Variants in SNCAIP observed in about 807,000 individuals in gnomAD.
The protein encoded by SNCAIP is synuclein alpha interacting protein, also known as synphilin-1.
Under a neutral mutation model 86.7 loss-of-function variants are expected in SNCAIP, and 43 were observed. The ratio of observed to expected loss-of-function variants is 0.50; its 90% CI spans 0.39 to 0.64. The LOEUF (loss-of-function observed/expected upper bound fraction) is 0.64. Ranked by LOEUF, SNCAIP falls within the 30% of genes least tolerant of loss-of-function variation. The pLI is 0.00. For missense variants in SNCAIP, 981 were observed against 1,103.1 expected (o/e 0.89, Z 1.57); for synonymous variants, 417 against 427.2 (o/e 0.98, Z 0.29).
intron 1 of SNCAIP, among the ~76,000 whole-genome samples, chr5:122,377,221 A>G (rs1390637019): frequency 6.6e-6 from 1 of 152,140 alleles, no homozygotes; most frequent in East Asian, 1.9e-4. Flanking sequence ...TTTCTCAACC[A>G]CTGGTTTTCT....
At chr5:122,417,468 T>C (rs527843688) in intron 3 of SNCAIP, among the ~76,000 whole-genome samples, 3 of 152,302 alleles carry the variant, frequency 2.0e-5, no homozygotes, top group South Asian at 4.1e-4. Context: ...TTGTAGGAAA[T>C]AGATGAAAGT....
chr5:122,329,768 A>C (rs1342959075), intron 1 of SNCAIP, among the ~76,000 whole-genome samples: 1 of 152,222 alleles, frequency 6.6e-6, no homozygotes, highest in Admixed American at 6.5e-5. Context: ...GGTACATACA[A>C]ATTATTAAGT....
chr5:122,338,604 G>C (rs1002907661), intron 1 of SNCAIP, among the ~76,000 whole-genome samples: 1 of 152,150 alleles, frequency 6.6e-6, no homozygotes, highest in African/African-American at 2.4e-5. Flanking sequence ...TATAAAGGTT[G>C]TGAATGAAAT....
chr5:122,391,158 T>C lies in SNCAIP; in HGVS notation c.24T>C (p.Asp8=), dbSNP rs1580933258. ...TAATGGAAGCCCCTGAATACCTTGA[T>C]TTGGATGAAATTGACTTTAGTGATG... The part of the protein sequence containing the change: MEAPEYL[D]LDEIDFSDDI... Residue 8 remains aspartate (D), a synonymous_variant, in exon 2 of 11, where the codon GAT becomes GAC. Transcript: ENST00000261368. 1 of 1,611,620 alleles carries C rather than the reference T, an allele frequency of 6.2e-7. No homozygotes were observed. The highest frequency in any genetic ancestry group is 1.7e-5 in the Admixed American group (1 of 60,024).
intron 2 of SNCAIP, chr5:122,401,188 G>T (rs529742390): frequency 2.1e-6 from 3 of 1,458,788 alleles, no homozygotes; most frequent in African/African-American, 1.4e-5. Context: ...TGGGATGAAG[G>T]CCTGGGAAGC....
At chr5:122,434,913 T>C (rs1412271672) in intron 6 of SNCAIP, among the ~76,000 whole-genome samples, 1 of 152,166 alleles carries the variant, frequency 6.6e-6, no homozygotes, top group African/African-American at 2.4e-5. Context: ...TAAATGCCCC[T>C]GGAAAGGATA....
intron 10 of SNCAIP, 57 bp from the exon 11 acceptor site, chr5:122,463,429 ATTGTC>A (rs1786961966): frequency 1.0e-6 from 1 of 955,064 alleles, no homozygotes. Context: ...GTTTAGTGGT[ATTGTC>A]TTGTAACTTG....
chr5:122,421,936 A>G (rs1776438988), intron 3 of SNCAIP, among the ~76,000 whole-genome samples: 1 of 147,342 alleles, frequency 6.8e-6, no homozygotes, highest in African/African-American at 2.5e-5. Flanking sequence ...TTCACTTTCT[A>G]CTCTATCGCA....
Position 122,450,926 on chromosome 5 carries a change from G to A in SNCAIP, c.2079G>A (p.Val693=), listed in dbSNP as rs1176654451. 1.9e-6 allele frequency: 3 copies of A among 1,614,140 alleles called. No individual in the cohort carries two copies. The South Asian group carries it at 3.3e-5, about 18-fold the overall frequency. The part of the protein sequence containing the change: ...NNSEDPKTTP[V]RKADRPRPQP... ...CTGAGGACCCCAAGACTACCCCAGT[G>A]AGGAAGGCTGACCGACCAAGGCCGC... is the stretch of plus-strand genomic sequence containing the variant. The change falls in exon 10 of 11, where the codon GTG becomes GTA. Residue 693 remains valine (V), a synonymous_variant. Coordinates refer to ENST00000261368, the MANE Select transcript of SNCAIP (RefSeq NM_005460.4).
chr5:122,382,276 C>T (rs982163000), intron 1 of SNCAIP, among the ~76,000 whole-genome samples: 8 of 152,144 alleles, frequency 5.3e-5, no homozygotes, highest in African/African-American at 1.9e-4. Flanking sequence ...TCCCTTCTCA[C>T]TTCATTTCAT....
rs1221236719 is a variant in SNCAIP, at chr5:122,358,203, G to GTGTGTA, written c.-46-32885_-46-32884insGTGTAT. On this transcript the variant is annotated intron_variant, in intron 1 of 10. Transcript: ENST00000261368. ...TGTGTGTGTGTGTGTGTGTGTGTGT[G>GTGTGTA]TATATATATATATATAAAATACTTT... 1.0e-3 allele frequency among the ~76,000 whole-genome samples: 134 copies of GTGTGTA among 130,372 alleles called. 1 individual carries two copies. The highest frequency in any genetic ancestry group is 6.1e-3 in the East Asian group (25 of 4,080). 85.5% of individuals were successfully genotyped at this position (130,372 alleles called of 152,430 possible).
intron 6 of SNCAIP, among the ~76,000 whole-genome samples, chr5:122,432,718 A>G (rs577396766): frequency 2.0e-5 from 3 of 152,152 alleles, no homozygotes; most frequent in Non-Finnish European, 2.9e-5. Context: ...AGGAAATCCC[A>G]ACATTAATTA....
intron 1 of SNCAIP, among the ~76,000 whole-genome samples, chr5:122,386,526 G>A (rs1468853817): frequency 6.6e-6 from 1 of 152,206 alleles, no homozygotes; most frequent in Admixed American, 6.5e-5. Context: ...TACAAACATT[G>A]AGTGTAGTTG....
At chr5:122,425,256 A>T (rs955029905) in intron 4 of SNCAIP, 96 bp from the exon 5 acceptor site, 1 of 923,184 alleles carries the variant, frequency 1.1e-6, no homozygotes, top group Non-Finnish European at 1.8e-6. Flanking sequence ...GAGCTTCTAT[A>T]AGCTCATTTC....
rs138896764 is a variant in SNCAIP at position 122,421,312 on chromosome 5, G to A, written c.131-1556G>A. 1.2e-3 allele frequency among the ~76,000 whole-genome samples: 189 copies of A among 152,342 alleles called. 1 individual carries two copies. Among genetic ancestry groups the A allele is most frequent in the Non-Finnish European group, 2.4e-3 (164 of 68,034 alleles). ...TCATGCAAAACTGTGGTCAATTTCA[G>A]GGAAAGAACTCACTGATAGTTATAT... On this transcript the variant is annotated intron_variant, in intron 3 of 10. Coordinates refer to ENST00000261368, the MANE Select transcript of SNCAIP (RefSeq NM_005460.4).
At chr5:122,378,969 G>C (rs1156977625) in intron 1 of SNCAIP, among the ~76,000 whole-genome samples, 1 of 136,302 alleles carries the variant, frequency 7.3e-6, no homozygotes, top group Non-Finnish European at 1.6e-5. Context: ...AAGTCAGGTA[G>C]TGTGATGCCT....
chr5:122,406,858 A>G (rs1158578578), intron 3 of SNCAIP, among the ~76,000 whole-genome samples: 1 of 152,176 alleles, frequency 6.6e-6, no homozygotes, highest in Non-Finnish European at 1.5e-5. Context: ...GTGCAAGAAT[A>G]GACTAATATG....
chr5:122,333,769 G>A (rs1057338304), intron 1 of SNCAIP, among the ~76,000 whole-genome samples: 3 of 152,242 alleles, frequency 2.0e-5, no homozygotes, highest in Non-Finnish European at 2.9e-5. Flanking sequence ...GCACCAGGCT[G>A]TGAACAGCAG....
intron 1 of SNCAIP, among the ~76,000 whole-genome samples, chr5:122,353,648 A>G (rs1760380079): frequency 6.6e-6 from 1 of 152,146 alleles, no homozygotes. Context: ...TGATGATTTT[A>G]AAAAGAGGAT....
Sources: allele counts gnomAD v4.1 joint callset (sites outside exome capture counted in the v4.1 genomes callset), GRCh38; gene constraint gnomAD v4.1.1; transcripts MANE v1.5; gene names NCBI Gene and HGNC (gene_info 2026-07-23, HGNC 2026-07-21).